Variants in PDE7B observed in about 807,000 individuals in gnomAD.
PDE7B encodes the protein phosphodiesterase 7B, also known as 3',5'-cyclic-AMP phosphodiesterase 7B.
Under a neutral mutation model 56.2 loss-of-function variants are expected in PDE7B, and 29 were observed. The observed-to-expected ratio is 0.52, with a 90% CI of 0.38 to 0.70. The LOEUF (loss-of-function observed/expected upper bound fraction) is 0.70, where lower values mean the gene tolerates loss of function less well. Ranked by LOEUF, PDE7B falls within the 30% of genes least tolerant of loss-of-function variation. PDE7B has a pLI of 0.00. For missense variants in PDE7B, 490 were observed against 565.0 expected (o/e 0.87, Z 1.35); for synonymous variants, 197 against 196.9 (o/e 1.00, Z 0.00).
intron 2 of PDE7B, among the ~76,000 whole-genome samples, chr6:136,108,125 CAAAAAA>C (rs60727586): frequency 4.6e-5 from 5 of 108,652 alleles, no homozygotes; most frequent in East Asian, 5.3e-4. Flanking sequence ...GACTCCATGT[CAAAAAA>C]AAAAAAAAAA....
chr6:135,960,795 A>C (rs1365322050), intron 2 of PDE7B, among the ~76,000 whole-genome samples: 1 of 152,182 alleles, frequency 6.6e-6, no homozygotes, highest in Non-Finnish European at 1.5e-5. Flanking sequence ...CCATTCCCTA[A>C]TTTTGAAATT....
chr6:135,952,723 A>G (rs1377666695), intron 2 of PDE7B, among the ~76,000 whole-genome samples: 1 of 152,156 alleles, frequency 6.6e-6, no homozygotes, highest in South Asian at 2.1e-4. Context: ...AAGCTCAGAG[A>G]TAAACTGGGG....
chr6:135,973,592 A>G (rs553976337), intron 2 of PDE7B, among the ~76,000 whole-genome samples: 1 of 152,314 alleles, frequency 6.6e-6, no homozygotes, highest in African/African-American at 2.4e-5. Context: ...TCCCATCAAT[A>G]GTACACAAGG....
At chr6:136,153,345 A>G (rs1778552478) in intron 6 of PDE7B, among the ~76,000 whole-genome samples, 1 of 152,246 alleles carries the variant, frequency 6.6e-6, no homozygotes, top group Non-Finnish European at 1.5e-5. Context: ...AGGACAGTCT[A>G]TACACACTGA....
chr6:136,022,447 G>T (rs1476262312), intron 2 of PDE7B, among the ~76,000 whole-genome samples: 1 of 152,126 alleles, frequency 6.6e-6, no homozygotes, highest in Non-Finnish European at 1.5e-5. Flanking sequence ...ATAAATTCTT[G>T]TGCTCAGAAT....
intron 2 of PDE7B, among the ~76,000 whole-genome samples, chr6:136,088,686 A>G (rs1186706019): frequency 6.6e-6 from 1 of 152,122 alleles, no homozygotes; most frequent in Non-Finnish European, 1.5e-5. Flanking sequence ...GGCTGGGGGG[A>G]TAGGAAAGTG....
At chr6:135,904,333 G>T (rs1370327719) in intron 1 of PDE7B, among the ~76,000 whole-genome samples, 1 of 152,146 alleles carries the variant, frequency 6.6e-6, no homozygotes, top group African/African-American at 2.4e-5. Flanking sequence ...TCTGCTTGTT[G>T]CTGGCTGAGC....
intron 8 of PDE7B, among the ~76,000 whole-genome samples, chr6:136,167,905 G>T (rs1457521911): frequency 6.6e-6 from 1 of 152,050 alleles, no homozygotes; most frequent in African/African-American, 2.4e-5. Flanking sequence ...GACATCAATG[G>T]GACTGAGTTT....
intron 9 of PDE7B, among the ~76,000 whole-genome samples, chr6:136,174,391 A>G (rs573476515): frequency 1.3e-4 from 20 of 152,282 alleles, no homozygotes; most frequent in Non-Finnish European, 1.8e-4. Flanking sequence ...TTTTTTCACC[A>G]ATTAATTTAC....
At chr6:135,907,536 T>G (rs1404667651) in intron 1 of PDE7B, among the ~76,000 whole-genome samples, 1 of 152,118 alleles carries the variant, frequency 6.6e-6, no homozygotes, top group Non-Finnish European at 1.5e-5. Context: ...TACAAGCTAC[T>G]CTGCTATGCT....
chr6:135,976,729 G>T (rs573600308), intron 2 of PDE7B, among the ~76,000 whole-genome samples: 1 of 152,180 alleles, frequency 6.6e-6, no homozygotes, highest in South Asian at 2.1e-4. Context: ...ATTGTTATTT[G>T]CCTTGGCAGT....
chr6:135,983,717 T>C (rs1197941488), intron 2 of PDE7B, among the ~76,000 whole-genome samples: 1 of 152,346 alleles, frequency 6.6e-6, no homozygotes, highest in East Asian at 1.9e-4. Flanking sequence ...AGAAAGTGAT[T>C]CTCTGCAGTC....
At chr6:136,169,120 A>G (rs1394789001) in intron 8 of PDE7B, among the ~76,000 whole-genome samples, 1 of 152,090 alleles carries the variant, frequency 6.6e-6, no homozygotes, top group African/African-American at 2.4e-5. Flanking sequence ...ATGACCTATG[A>G]ATTCATGATC....
intron 1 of PDE7B, among the ~76,000 whole-genome samples, chr6:135,900,652 C>G (rs1255170904): frequency 2.0e-5 from 3 of 151,838 alleles, no homozygotes; most frequent in Non-Finnish European, 4.4e-5. Context: ...ATTTCAGGAG[C>G]CAAATATTAA....
At chr6:135,943,615 G>A (rs1031076037) in intron 1 of PDE7B, among the ~76,000 whole-genome samples, 2 of 152,180 alleles carry the variant, frequency 1.3e-5, no homozygotes, top group African/African-American at 2.4e-5. Context: ...TTTCTACTCT[G>A]CTAAAAGAGT....
chr6:136,168,364 A>C (rs1332904696), intron 8 of PDE7B, among the ~76,000 whole-genome samples: 2 of 152,142 alleles, frequency 1.3e-5, no homozygotes, highest in African/African-American at 4.8e-5. Flanking sequence ...TGGGGTTTGG[A>C]ACAGGGAACT....
intron 2 of PDE7B, among the ~76,000 whole-genome samples, chr6:136,074,230 CAA>C (rs11339717): frequency 1.6e-3 from 191 of 120,296 alleles, no homozygotes; most frequent in Middle Eastern, 4.5e-3. Flanking sequence ...GACCTTGTCT[CAA>C]AAAAAAAAAA....
Position 136,155,657 on chromosome 6 carries a change from A to G in PDE7B, c.610A>G (p.Met204Val). Residue 204 changes from methionine (M) to valine (V), a missense_variant, in exon 8 of 13, where the codon ATG becomes GTG. By Grantham distance (21) the Met-to-Val change is conservative. Coordinates refer to ENST00000308191, the MANE Select transcript of PDE7B (RefSeq NM_018945.4). Reference sequence around the variant, plus strand: ...CAGCTTCCTCACGCCTCTGGACATCATGCTTGGACTGCTGGCTGCAGCAGC... The same window carrying G: ...CAGCTTCCTCACGCCTCTGGACATCGTGCTTGGACTGCTGGCTGCAGCAGC... ...LASFLTPLDI[M>V]LGLLAAAAHD... 6.2e-7 allele frequency: 1 copy of G among 1,613,650 alleles called. No homozygotes were observed. Among genetic ancestry groups the G allele is most frequent in the Admixed American group, 1.7e-5 (1 of 59,990 alleles).
intron 2 of PDE7B, among the ~76,000 whole-genome samples, chr6:136,102,886 T>A (rs1777586339): frequency 6.6e-6 from 1 of 152,224 alleles, no homozygotes; most frequent in South Asian, 2.1e-4. Flanking sequence ...GTCATCATTC[T>A]AAGCTAAAGA....
Sources: gnomAD v4.1 joint callset for allele counts (sites outside exome capture counted in the v4.1 genomes callset) on GRCh38, gnomAD v4.1.1 for gene constraint, MANE v1.5 for transcripts, NCBI Gene and HGNC (gene_info 2026-07-23, HGNC 2026-07-21) for gene names.